The following ARHGEF4 variants were observed in gnomAD, a reference collection of about 807,000 sequenced individuals.
ARHGEF4 encodes Rho guanine nucleotide exchange factor 4, also known as APC-stimulated guanine nucleotide exchange factor 1.
In ARHGEF4, 119 loss-of-function variants were observed where a neutral mutation model predicts 162.0. The ratio of observed to expected loss-of-function variants is 0.73; its 90% CI spans 0.63 to 0.86. The LOEUF (loss-of-function observed/expected upper bound fraction) is 0.86. Ranked by LOEUF, ARHGEF4 falls within the 40% of genes least tolerant of loss-of-function variation. The pLI is 0.00. For missense variants in ARHGEF4, 2,488 were observed against 2,456.0 expected (o/e 1.01, Z -0.28); for synonymous variants, 1,014 against 979.9 (o/e 1.03, Z -0.65).
At chr2:131,003,644 C>T (rs1558837416) in intron 4 of ARHGEF4, among the ~76,000 whole-genome samples, 2 of 152,224 alleles carry the variant, frequency 1.3e-5, no homozygotes, top group African/African-American at 4.8e-5. Flanking sequence ...CTGAGTGACA[C>T]TCCTGTTAAG....
At chr2:130,988,246 A>C (rs1374308265) in intron 4 of ARHGEF4, among the ~76,000 whole-genome samples, 1 of 152,192 alleles carries the variant, frequency 6.6e-6, no homozygotes, top group East Asian at 1.9e-4. Context: ...CCCCAGGCTC[A>C]CAGGAGCCAC....
At chr2:131,007,922 A>C (rs1688230450) in intron 4 of ARHGEF4, among the ~76,000 whole-genome samples, 1 of 139,696 alleles carries the variant, frequency 7.2e-6, no homozygotes, top group Non-Finnish European at 1.5e-5. Context: ...AGTGATTCTC[A>C]TTGCCTCAGC....
At position 130,988,156 on chromosome 2, in the gene ARHGEF4, T is replaced by C. The variant is rs561684600; in HGVS notation, c.3986-39789T>C. ...CTCTGGCAGAAAAACAGGTCAGATG[T>C]GTCTGCTGTGGACAGGTGGCTCTGT... On this transcript the variant is annotated intron_variant, in intron 4 of 13. Coordinates refer to ENST00000409359, the MANE Select transcript of ARHGEF4 (RefSeq NM_001367493.1). Among the ~76,000 whole-genome samples the C allele has an allele frequency of 4.6e-5, 7 of 152,334 alleles. No homozygotes were observed. In the South Asian group the frequency reaches 1.0e-3, roughly 23 times the overall value.
At chr2:130,842,533 G>T (rs577374062) in intron 1 of ARHGEF4, among the ~76,000 whole-genome samples, 1 of 152,164 alleles carries the variant, frequency 6.6e-6, no homozygotes, top group Non-Finnish European at 1.5e-5. Flanking sequence ...AAGCGCACCC[G>T]GCAGTCCTTG....
chr2:131,044,904 G>GCAAAAGC (rs1558905235), intron 12 of ARHGEF4, among the ~76,000 whole-genome samples: 1 of 152,194 alleles, frequency 6.6e-6, no homozygotes, highest in Admixed American at 6.5e-5. Flanking sequence ...TTTCCAGCCA[G>GCAAAAGC]CAAAAGCCCT....
chr2:130,914,464 T>C lies in ARHGEF4; in HGVS notation c.518T>C (p.Leu173Ser), dbSNP rs1241708874. The stretch of plus-strand genomic sequence containing the variant: ...GCGACCAGCCTGGAGCGAGAGTCTT[T>C]GCTGGCAGGGGTTCCCCGACACACA... ...DCATSLERES[L>S]LAGVPRHTGC... Residue 173 changes from leucine (L) to serine (S), a missense_variant, in exon 2 of 14, where the codon TTG becomes TCG. Transcript: ENST00000409359. 6 of 1,433,218 alleles carry C rather than the reference T, an allele frequency of 4.2e-6. No homozygotes were observed. The highest frequency in any genetic ancestry group is 4.5e-6 in the Non-Finnish European group (5 of 1,099,416). 88.8% of individuals were successfully genotyped at this position (1,433,218 alleles called of 1,614,324 possible). A position where few individuals can be genotyped will look rare whatever the true frequency, so the allele number is the denominator to read the frequency against.
At chr2:131,006,472 G>A (rs929792224) in intron 4 of ARHGEF4, among the ~76,000 whole-genome samples, 1 of 152,246 alleles carries the variant, frequency 6.6e-6, no homozygotes, top group African/African-American at 2.4e-5. Flanking sequence ...CCCAGGAGCT[G>A]GCTGGCTGTC....
At chr2:130,856,737 G>A (rs1454092690) in intron 1 of ARHGEF4, among the ~76,000 whole-genome samples, 1 of 152,110 alleles carries the variant, frequency 6.6e-6, no homozygotes, top group Non-Finnish European at 1.5e-5. Flanking sequence ...ACACCAACAT[G>A]GCGCATGTAT....
At chr2:130,908,921 TGAG>T (rs1319483762) in intron 1 of ARHGEF4, among the ~76,000 whole-genome samples, 2 of 152,080 alleles carry the variant, frequency 1.3e-5, no homozygotes, top group Non-Finnish European at 2.9e-5. Flanking sequence ...GGAAAAAACA[TGAG>T]AAGATGCTCA....
chr2:130,915,884 C>A lies in ARHGEF4; in HGVS notation c.1938C>A (p.Ser646Arg). 1 of 1,549,472 alleles carries A rather than the reference C, an allele frequency of 6.5e-7. No homozygotes were observed. The highest frequency in any genetic ancestry group is 8.7e-7 in the Non-Finnish European group (1 of 1,146,558). Residue 646 changes from serine to arginine, a missense_variant, in exon 2 of 14, where the codon AGC becomes AGA. By Grantham distance (110) the Ser-to-Arg change is moderately radical (BLOSUM62 -1). This residue lies in a region of ARHGEF4 where 1,642 missense variants were observed against 1,481.5 expected (regional missense o/e 1.11). Coordinates refer to ENST00000409359, the MANE Select transcript of ARHGEF4 (RefSeq NM_001367493.1). Reference protein sequence around the residue: ...VEQKGLQASRSNAGPVPETLP... With the variant: ...VEQKGLQASRRNAGPVPETLP... The stretch of plus-strand genomic sequence containing the variant: ...AGAAAGGTCTTCAGGCCAGCAGGAG[C>A]AATGCGGGGCCTGTTCCAGAAACAC...
chr2:131,010,062 G>T (rs1181024662), intron 4 of ARHGEF4, among the ~76,000 whole-genome samples: 1 of 152,226 alleles, frequency 6.6e-6, no homozygotes, highest in African/African-American at 2.4e-5. Flanking sequence ...CTACTAGGCT[G>T]CTTGGAGTAT....
intron 4 of ARHGEF4, among the ~76,000 whole-genome samples, chr2:130,999,310 A>T (rs1221331522): frequency 1.3e-5 from 2 of 151,122 alleles, no homozygotes; most frequent in Non-Finnish European, 2.9e-5. Context: ...GCCCGCCACC[A>T]CGCCTGGCTA....
chr2:131,037,786 T>TA (rs1445284944), intron 5 of ARHGEF4, among the ~76,000 whole-genome samples: 31 of 152,360 alleles, frequency 2.0e-4, no homozygotes, highest in African/African-American at 7.0e-4. Flanking sequence ...CAAGGCACTC[T>TA]GCTGGTTATT....
At chr2:130,891,351 G>C (rs1679853861) in intron 1 of ARHGEF4, among the ~76,000 whole-genome samples, 1 of 152,192 alleles carries the variant, frequency 6.6e-6, no homozygotes, top group South Asian at 2.1e-4. Flanking sequence ...GTATTTGCCT[G>C]TTGAATGTTT....
intron 8 of ARHGEF4, 105 bp from the exon 9 acceptor site, chr2:131,041,125 C>G: frequency 9.0e-7 from 1 of 1,110,620 alleles, no homozygotes; most frequent in Non-Finnish European, 1.3e-6. Context: ...GCCCCCAGCC[C>G]AGCTCCTGAA....
chr2:131,011,338 T>C (rs1390711591), intron 4 of ARHGEF4, among the ~76,000 whole-genome samples: 1 of 152,178 alleles, frequency 6.6e-6, no homozygotes, highest in Non-Finnish European at 1.5e-5. Flanking sequence ...TGCCTAGGAA[T>C]TTTATGGGAA....
At chr2:131,038,813 C>A (rs1405290673) in intron 5 of ARHGEF4, 40 bp from the exon 6 acceptor site, 2 of 1,561,174 alleles carry the variant, frequency 1.3e-6, no homozygotes, top group Non-Finnish European at 8.7e-7. Context: ...GCCCAGGCAG[C>A]CTCCCCCACT....
At chr2:130,946,447 G>A (rs1683623795) in intron 3 of ARHGEF4, 62 bp from the exon 4 acceptor site, 11 of 1,549,080 alleles carry the variant, frequency 7.1e-6, no homozygotes, top group Non-Finnish European at 8.7e-7. Context: ...ACTGCAGGGT[G>A]GCAATGACAG....
chr2:130,946,237 T>C (rs1248991992), intron 3 of ARHGEF4, among the ~76,000 whole-genome samples: 1 of 151,992 alleles, frequency 6.6e-6, no homozygotes, highest in Non-Finnish European at 1.5e-5. Flanking sequence ...TTGGGGAGAG[T>C]TGGGAGTCTG....
Sources: gnomAD v4.1 joint callset for allele counts (sites outside exome capture counted in the v4.1 genomes callset) on GRCh38, gnomAD v4.1.1 for gene constraint, gnomAD v4.1.1 regional missense constraint, MANE v1.5 for transcripts, NCBI Gene and HGNC (gene_info 2026-07-23, HGNC 2026-07-21) for gene names.